Variants in GPM6A observed in about 807,000 individuals in gnomAD.
The protein encoded by GPM6A is neuronal membrane glycoprotein M6-a.
Under a neutral mutation model 32.1 loss-of-function variants are expected in GPM6A, and 7 were observed. The observed-to-expected ratio is 0.22, with a 90% CI of 0.12 to 0.41. GPM6A has a LOEUF of 0.41. Ranked by LOEUF, GPM6A falls within the 10% of genes least tolerant of loss-of-function variation. GPM6A has a pLI of 1.00. For synonymous variants in GPM6A, 130 were observed against 123.4 expected, an observed-to-expected ratio of 1.05 and a Z score of -0.35; for missense variants, 235 against 347.2, an observed-to-expected ratio of 0.68 and a Z score of 2.57.
chr4:175,675,004 A>G (rs1469219002), intron 2 of GPM6A, among the ~76,000 whole-genome samples: 1 of 152,100 alleles, frequency 6.6e-6, no homozygotes, highest in Non-Finnish European at 1.5e-5. Context: ...AGATGGATAT[A>G]TGGATAGATA....
chr4:175,728,023 AACTT>A (rs1488571282), intron 1 of GPM6A, among the ~76,000 whole-genome samples: 5 of 151,496 alleles, frequency 3.3e-5, no homozygotes, highest in Non-Finnish European at 7.4e-5. Flanking sequence ...AAAAAAAAAA[AACTT>A]ACCGGTTTTT....
intron 1 of GPM6A, among the ~76,000 whole-genome samples, chr4:175,847,907 A>C (rs755693450): frequency 6.6e-6 from 1 of 152,192 alleles, no homozygotes; most frequent in Admixed American, 6.5e-5. Flanking sequence ...GCTCTGATCA[A>C]CGTCAACCAG....
intron 1 of GPM6A, among the ~76,000 whole-genome samples, chr4:175,936,016 TA>T (rs1739210735): frequency 6.6e-6 from 1 of 150,496 alleles, no homozygotes; most frequent in Non-Finnish European, 1.5e-5. Context: ...TAAAAAAAAT[TA>T]AAAAACGGCC....
intron 1 of GPM6A, among the ~76,000 whole-genome samples, chr4:175,838,875 G>A (rs369819517): frequency 6.6e-6 from 1 of 151,770 alleles, no homozygotes; most frequent in Non-Finnish European, 1.5e-5. Flanking sequence ...GGCTGGTTTC[G>A]AATTCCTGAC....
At chr4:175,964,113 G>A (rs1198940706) in intron 1 of GPM6A, among the ~76,000 whole-genome samples, 1 of 151,522 alleles carries the variant, frequency 6.6e-6, no homozygotes, top group Non-Finnish European at 1.5e-5. Context: ...AAGAGAGAGA[G>A]AGAAAGAAAC....
chr4:175,954,206 T>C (rs1398037581), intron 1 of GPM6A, among the ~76,000 whole-genome samples: 1 of 152,216 alleles, frequency 6.6e-6, no homozygotes, highest in Admixed American at 6.5e-5. Flanking sequence ...TAAATGCCTT[T>C]GCTCAGTTGT....
intron 1 of GPM6A, among the ~76,000 whole-genome samples, chr4:175,897,289 C>T (rs550679926): frequency 6.6e-6 from 1 of 152,168 alleles, no homozygotes; most frequent in East Asian, 1.9e-4. Context: ...TGAGAGGTGC[C>T]ACTGAAGTCA....
At chr4:175,962,396 C>A (rs1740195361) in intron 1 of GPM6A, 1 of 734,700 alleles carries the variant, frequency 1.4e-6, no homozygotes, top group African/African-American at 1.7e-5. Flanking sequence ...CCACCCTCAC[C>A]AAGAACACTC....
chr4:175,816,669 G>T (rs1365530832), upstream of GPM6A, among the ~76,000 whole-genome samples: 1 of 152,112 alleles, frequency 6.6e-6, no homozygotes, highest in Non-Finnish European at 1.5e-5. Context: ...GGACTAACAG[G>T]CAGGAACACG....
chr4:175,674,907 T>A lies in GPM6A; in HGVS notation c.231-1071A>T, dbSNP rs551949291. Among the ~76,000 whole-genome samples, 119 of 151,466 alleles carry A rather than the reference T, an allele frequency of 7.9e-4. No individual in the cohort carries two copies. In the Middle Eastern group the frequency reaches 0.01, roughly 13 times the overall value. ...ATTACCCAGTTTTGCTTTTTTTTTT[T>A]AAAAGAAAAAAACACCATGTGGCTA... On this transcript the variant is annotated intron_variant, in intron 2 of 6. Transcript: ENST00000393658.
At chr4:175,863,012 TCTTC>T (rs1736620116) in intron 1 of GPM6A, among the ~76,000 whole-genome samples, 1 of 152,120 alleles carries the variant, frequency 6.6e-6, no homozygotes, top group Non-Finnish European at 1.5e-5. Context: ...CCTCTCTCTC[TCTTC>T]CTTCCTTTTC....
intron 1 of GPM6A, among the ~76,000 whole-genome samples, chr4:175,935,973 G>A (rs1273039963): frequency 6.6e-6 from 1 of 150,678 alleles, no homozygotes; most frequent in Non-Finnish European, 1.5e-5. Flanking sequence ...AACTTGAATA[G>A]AATATAATGA....
intron 1 of GPM6A, among the ~76,000 whole-genome samples, chr4:175,917,554 T>C (rs1265501729): frequency 6.6e-6 from 1 of 152,182 alleles, no homozygotes; most frequent in Non-Finnish European, 1.5e-5. Context: ...TATACATCTG[T>C]CCATGTACGT....
intron 1 of GPM6A, among the ~76,000 whole-genome samples, chr4:175,740,742 A>AT (rs1731856667): frequency 6.6e-6 from 1 of 152,088 alleles, no homozygotes; most frequent in Admixed American, 6.5e-5. Flanking sequence ...AGAAGAGATT[A>AT]TTTCATGCTT....
intron 1 of GPM6A, among the ~76,000 whole-genome samples, chr4:175,714,590 TA>T: frequency 1.1e-4 from 1 of 8,982 alleles, no homozygotes; most frequent in South Asian, 0.015. Context: ...TCTCCACAGC[TA>T]TCATATGAAA....
intron 1 of GPM6A, among the ~76,000 whole-genome samples, chr4:175,790,954 C>T (rs886485168): frequency 5.3e-5 from 8 of 151,902 alleles, no homozygotes; most frequent in African/African-American, 1.7e-4. Context: ...ACTATATTTA[C>T]AATTAAAGTT....
At chr4:175,738,187 C>T (rs1731740560) in intron 1 of GPM6A, among the ~76,000 whole-genome samples, 1 of 152,160 alleles carries the variant, frequency 6.6e-6, no homozygotes, top group African/African-American at 2.4e-5. Context: ...ATTTGCCTGC[C>T]TCGGCCTCCC....
rs202235354 is a variant in GPM6A, at chr4:175,736,094, T to C, written c.38-34327A>G. ...AGGCTGGAATGCAGTGGTGCAATCA[T>C]AGCTTACTGCAGTCTTGAACTTCTG... On this transcript the variant is annotated intron_variant, in intron 1 of 6. Transcript: ENST00000393658. Among the ~76,000 whole-genome samples, 9 of 152,294 alleles carry C rather than the reference T, an allele frequency of 5.9e-5. No homozygotes were observed. The East Asian group carries it at 1.7e-3, about 29-fold the overall frequency.
At chr4:175,996,356 A>C (rs77566649) in intron 1 of GPM6A, among the ~76,000 whole-genome samples, 5,703 of 152,306 alleles carry the variant, frequency 0.037, 263 homozygotes, top group African/African-American at 0.11. Flanking sequence ...TACCAATTCA[A>C]ATTTTGTACT....
Sources: allele counts gnomAD v4.1 joint callset (sites outside exome capture counted in the v4.1 genomes callset), GRCh38; gene constraint gnomAD v4.1.1; transcripts MANE v1.5; gene names NCBI Gene and HGNC (gene_info 2026-07-23, HGNC 2026-07-21).